Variants in DGKB observed in about 807,000 individuals in gnomAD.
DGKB encodes the protein 90 kDa diacylglycerol kinase.
A neutral mutation model predicts 114.3 loss-of-function variants in DGKB; 67 were observed. The observed-to-expected ratio is 0.59, with a 90% CI of 0.48 to 0.72. The LOEUF is 0.72. Ranked by LOEUF, DGKB falls within the 30% of genes least tolerant of loss-of-function variation. DGKB has a pLI of 0.00. For synonymous variants in DGKB, 398 were observed against 323.1 expected (o/e 1.23, Z -2.49); for missense variants, 907 against 975.2 (o/e 0.93, Z 0.93).
chr7:14,494,031 C>A (rs1488478075), intron 20 of DGKB, among the ~76,000 whole-genome samples: 2 of 151,146 alleles, frequency 1.3e-5, no homozygotes, highest in African/African-American at 2.4e-5. Flanking sequence ...AATATAAAAT[C>A]TATAATTACA....
At chr7:14,234,288 G>C (rs1792407599) in intron 23 of DGKB, among the ~76,000 whole-genome samples, 2 of 151,876 alleles carry the variant, frequency 1.3e-5, no homozygotes. Flanking sequence ...AGTAACTACA[G>C]ATTTAAAAGA....
chr7:14,213,600 T>C (rs921296024), intron 23 of DGKB, among the ~76,000 whole-genome samples: 3 of 152,190 alleles, frequency 2.0e-5, no homozygotes, highest in African/African-American at 4.8e-5. Context: ...GTTCTTCTCC[T>C]ATGATGCAAA....
intron 1 of DGKB, among the ~76,000 whole-genome samples, chr7:14,953,528 A>G (rs529287533): frequency 6.6e-6 from 1 of 152,228 alleles, no homozygotes; most frequent in African/African-American, 2.4e-5. Context: ...GAGGATGATT[A>G]TAATAAAGAC....
At chr7:14,806,854 T>C (rs184400739) in intron 2 of DGKB, among the ~76,000 whole-genome samples, 2 of 152,002 alleles carry the variant, frequency 1.3e-5, no homozygotes, top group African/African-American at 4.8e-5. Flanking sequence ...AAATATAACC[T>C]AGGCCCAGAA....
chr7:14,887,617 T>C (rs547189058), intron 1 of DGKB, among the ~76,000 whole-genome samples: 66 of 151,848 alleles, frequency 4.3e-4, no homozygotes, highest in African/African-American at 1.6e-3. Context: ...ATTTCAAATA[T>C]ATTATGTCGA....
chr7:14,270,034 T>C (rs1050001881), intron 23 of DGKB, among the ~76,000 whole-genome samples: 16 of 101,568 alleles, frequency 1.6e-4, no homozygotes, highest in Admixed American at 4.6e-4. Flanking sequence ...AAGTTTATTA[T>C]AAGGCTTTTT....
chr7:14,909,111 T>C lies in DGKB; in HGVS notation c.-188+65585A>G, dbSNP rs79080443. ...ATTAAATGTCCTTAAAATTTAACTC[T>C]TATGCTTTTAGCGATGGCTTTCTAT... On this transcript the variant is annotated intron_variant, in intron 1 of 4. Coordinates refer to the DGKB transcript ENST00000437998. Among the ~76,000 whole-genome samples the C allele has an allele frequency of 5.1e-4, 78 of 152,332 alleles. 1 individual carries two copies. The East Asian group carries it at 0.014, about 27-fold the overall frequency.
chr7:14,689,208 T>A (rs202167484), intron 9 of DGKB, among the ~76,000 whole-genome samples: 12 of 109,844 alleles, frequency 1.1e-4, no homozygotes, highest in Non-Finnish European at 1.8e-4. Context: ...TATTTTTTTT[T>A]TTTTTTTTTT....
intron 1 of DGKB, among the ~76,000 whole-genome samples, chr7:14,856,008 C>CAA (rs1850097143): frequency 3.6e-5 from 1 of 27,762 alleles, no homozygotes; most frequent in Admixed American, 3.5e-4. Flanking sequence ...TATATACACA[C>CAA]ACACACACAC....
chr7:14,874,764 G>A (rs537369614), intron 1 of DGKB, among the ~76,000 whole-genome samples: 70 of 152,104 alleles, frequency 4.6e-4, no homozygotes, highest in Admixed American at 1.2e-3. Flanking sequence ...ATTATATGCC[G>A]ATCTTCTAGG....
intron 23 of DGKB, among the ~76,000 whole-genome samples, chr7:14,259,599 G>C (rs562943312): frequency 1.3e-5 from 2 of 152,118 alleles, no homozygotes; most frequent in East Asian, 1.9e-4. Context: ...GCTAATTTTT[G>C]TATTTTTAGT....
intron 1 of DGKB, among the ~76,000 whole-genome samples, chr7:14,945,638 A>G (rs925698612): frequency 6.6e-6 from 1 of 151,776 alleles, no homozygotes; most frequent in African/African-American, 2.4e-5. Context: ...AGAAGCAACT[A>G]TATCAGAACA....
intron 23 of DGKB, among the ~76,000 whole-genome samples, chr7:14,296,992 C>T (rs1379170505): frequency 6.6e-6 from 1 of 151,984 alleles, no homozygotes; most frequent in East Asian, 1.9e-4. Flanking sequence ...TACACCCTCC[C>T]AAGACTAAAC....
intron 1 of DGKB, among the ~76,000 whole-genome samples, chr7:14,897,706 C>G (rs1163450248): frequency 6.6e-6 from 1 of 151,756 alleles, no homozygotes; most frequent in Non-Finnish European, 1.5e-5. Flanking sequence ...TATGTAACAC[C>G]ACAGAAGGTA....
At chr7:14,462,895 T>C (rs1177270615) in intron 21 of DGKB, among the ~76,000 whole-genome samples, 4 of 152,054 alleles carry the variant, frequency 2.6e-5, no homozygotes, top group East Asian at 1.9e-4. Flanking sequence ...AAAACAGATA[T>C]ATAAACCAAT....
At chr7:14,385,676 G>A (rs1820218272) in intron 21 of DGKB, among the ~76,000 whole-genome samples, 1 of 152,152 alleles carries the variant, frequency 6.6e-6, no homozygotes, top group Non-Finnish European at 1.5e-5. Flanking sequence ...AATGCATAAA[G>A]CAAAATGTAT....
chr7:14,523,813 T>C (rs1335121611), intron 20 of DGKB, among the ~76,000 whole-genome samples: 1 of 152,176 alleles, frequency 6.6e-6, no homozygotes, highest in Non-Finnish European at 1.5e-5. Flanking sequence ...GACATATCAG[T>C]GTTTGAATCC....
intron 23 of DGKB, among the ~76,000 whole-genome samples, chr7:14,180,338 AC>A (rs1204159679): frequency 2.0e-5 from 3 of 152,140 alleles, no homozygotes. Flanking sequence ...ATCTGTCTAC[AC>A]CCACACCATA....
chr7:14,326,275 T>C (rs910278756), intron 23 of DGKB, among the ~76,000 whole-genome samples: 1 of 152,126 alleles, frequency 6.6e-6, no homozygotes, highest in African/African-American at 2.4e-5. Context: ...ATTGGTATGA[T>C]ACTAATTTGC....
Sources: gnomAD v4.1 joint callset for allele counts (sites outside exome capture counted in the v4.1 genomes callset) on GRCh38, gnomAD v4.1.1 for gene constraint, MANE v1.5 for transcripts, NCBI Gene and HGNC (gene_info 2026-07-23, HGNC 2026-07-21) for gene names.